Variants in SIGLEC1 observed in about 807,000 individuals in gnomAD.
The protein encoded by SIGLEC1 is sialic acid binding Ig like lectin 1.
SIGLEC1 carries 132 observed loss-of-function variants against 148.0 expected under a neutral mutation model. That is an observed-to-expected ratio of 0.89 (90% CI 0.77 to 1.03). SIGLEC1 has a LOEUF of 1.03. Among genes scored for constraint, SIGLEC1 ranks in the 50% least tolerant of loss-of-function variants. SIGLEC1 has a pLI of 0.00. For synonymous variants in SIGLEC1, 945 were observed against 969.0 expected, an observed-to-expected ratio of 0.98 and a Z score of 0.46; for missense variants, 2,253 against 2,271.4, an observed-to-expected ratio of 0.99 and a Z score of 0.16.
At chr20:3,702,616 C>T (rs967045365) in intron 6 of SIGLEC1, among the ~76,000 whole-genome samples, 1 of 151,776 alleles carries the variant, frequency 6.6e-6, no homozygotes, top group African/African-American at 2.4e-5. Context: ...TCTATCAATG[C>T]TAATTTTCCT....
chr20:3,689,671 C>G lies in SIGLEC1; in HGVS notation c.4926G>C (p.Leu1642=), dbSNP rs767307716. The change falls in exon 20 of 22, where the codon CTG becomes CTC. Residue 1642 remains leucine, a synonymous_variant. Transcript: ENST00000344754. ...ALHRLHQFQQ[L]LWVLGLLVGL... ...CCACCAGCAGTCCCAGGACCCAGAG[C>G]AGCTGCTGGAACTGATGCAGGCGGT... is the stretch of plus-strand genomic sequence containing the variant. The G allele has an allele frequency of 6.3e-7, 1 of 1,588,038 alleles. No homozygotes were observed. The highest frequency in any genetic ancestry group is 8.6e-7 in the Non-Finnish European group (1 of 1,167,614).
At position 3,690,134 on chromosome 20, in the gene SIGLEC1, G is replaced by A; in HGVS notation, c.4722C>T (p.Ala1574=). The A allele has an allele frequency of 6.2e-7, 1 of 1,606,766 alleles. No individual in the cohort carries two copies. The highest frequency in any genetic ancestry group is 8.5e-7 in the Non-Finnish European group (1 of 1,177,254). The part of the protein sequence containing the change: ...LTLHLGSRLV[A]SSQPQGAPAE... ...CAGGAGCACCCTGGGGCTGACTGGA[G>A]GCCACCAGTCGACTGCCAAGGTGGA... Residue 1574 remains alanine, a synonymous_variant, in exon 19 of 22, where the codon GCC becomes GCT. Transcript: ENST00000344754.
intron 18 of SIGLEC1, among the ~76,000 whole-genome samples, chr20:3,690,821 T>A (rs955202806): frequency 7.4e-6 from 1 of 135,702 alleles, no homozygotes; most frequent in African/African-American, 3.0e-5. Context: ...TTTCTCTTCT[T>A]TTCTTTTCTT....
In SIGLEC1 at chr20:3,710,590, G is replaced by C. The variant is rs552079124; in HGVS notation, c.-110+1880C>G. On this transcript the variant is annotated intron_variant, in intron 1 of 21. Transcript: ENST00000344754. The surrounding 1 kb of genome is among the most constrained non-coding windows in gnomAD (Gnocchi z 4.6). ...ACCTCACCGTGAAGAAAAGCAGCCT[G>C]CTGGGCACACTGGGGGTCAGATGTG... Among the ~76,000 whole-genome samples the C allele has an allele frequency of 5.9e-5, 9 of 152,338 alleles. No individual in the cohort carries two copies. Among genetic ancestry groups the C allele is most frequent in the African/African-American group, 1.9e-4 (8 of 41,578 alleles).
intron 3 of SIGLEC1, 145 bp from the exon 4 acceptor site, chr20:3,706,185 G>A (rs1048159759): frequency 7.0e-6 from 9 of 1,282,076 alleles, no homozygotes; most frequent in Non-Finnish European, 8.5e-6. Flanking sequence ...CCACTTGGGT[G>A]AATACAAGGG....
intron 11 of SIGLEC1, among the ~76,000 whole-genome samples, chr20:3,695,914 C>T (rs6076541): frequency 1.3e-5 from 2 of 151,834 alleles, no homozygotes; most frequent in Admixed American, 6.6e-5. Context: ...CAGGTTCAAA[C>T]GATTCGCCTG....
rs766499396 is a variant in SIGLEC1 at position 3,699,435 on chromosome 20, G to A, written c.1553C>T (p.Ala518Val). 1 of 1,609,978 alleles carries A rather than the reference G, an allele frequency of 6.2e-7. No homozygotes were observed. Among genetic ancestry groups the A allele is most frequent in the South Asian group, 1.1e-5 (1 of 89,888 alleles). ...ANAARLLISP[A>V]AEVVEGQAVT... ...TGCCTGTCCTTCCACCACCTCGGCT[G>A]CCGGGCTGATGAGGAGACGGGCGGC... Residue 518 changes from alanine (A) to valine (V), a missense_variant, in exon 8 of 22, where the codon GCA (alanine) becomes GTA (valine). Physicochemically the swap from Ala to Val is moderately conservative, Grantham distance 64. Coordinates refer to ENST00000344754, the MANE Select transcript of SIGLEC1 (RefSeq NM_023068.4).
In SIGLEC1 at chr20:3,689,660, A is replaced by T; in HGVS notation, c.4937T>A (p.Leu1646Gln). ...GAGCAGGAGGCCCACCAGCAGTCCC[A>T]GGACCCAGAGCAGCTGCTGGAACTG... is the stretch of plus-strand genomic sequence containing the variant. Reference protein sequence around the residue: ...LHQFQQLLWVLGLLVGLLLLL... With the variant: ...LHQFQQLLWVQGLLVGLLLLL... The change falls in exon 20 of 22, where the codon CTG becomes CAG. Residue 1646 changes from leucine (L) to glutamine (Q), a missense_variant. Physicochemically the swap from Leu to Gln is moderately radical, Grantham distance 113. Coordinates refer to ENST00000344754, the MANE Select transcript of SIGLEC1 (RefSeq NM_023068.4). 1 of 1,590,232 alleles carries T rather than the reference A, an allele frequency of 6.3e-7. No homozygotes were observed. Among genetic ancestry groups the T allele is most frequent in the Non-Finnish European group, 8.6e-7 (1 of 1,168,770 alleles).
Position 3,710,873 on chromosome 20 carries a change from A to G in SIGLEC1, c.-110+1597T>C, listed in dbSNP as rs1992953. The stretch of plus-strand genomic sequence containing the variant: ...CCCCAAAGGGGTCAGCCCCACCGGA[A>G]TCCAGCCTATTGGCTCAGCCTGTCA... On this transcript the variant is annotated intron_variant, in intron 1 of 21. Coordinates refer to ENST00000344754, the MANE Select transcript of SIGLEC1 (RefSeq NM_023068.4). The surrounding 1 kb of genome is among the most constrained non-coding windows in gnomAD (Gnocchi z 4.6). 0.81 allele frequency among the ~76,000 whole-genome samples: 123,681 copies of G among 152,248 alleles called. 50,839 individuals are homozygous for G. The highest frequency in any genetic ancestry group is 0.95 in the African/African-American group (39,295 of 41,556).
At position 3,687,042 on chromosome 20, in the gene SIGLEC1, A is replaced by T. The variant is rs2088706389; in HGVS notation, c.*1518T>A. 1 of 152,206 alleles carries T rather than the reference A, an allele frequency of 6.6e-6. No individual in the cohort carries two copies. Among genetic ancestry groups the T allele is most frequent in the Admixed American group, 6.5e-5 (1 of 15,280 alleles). The allele number at this position is 152,206 out of a possible 1,614,324, so 9.4% of individuals were successfully genotyped here. Reference sequence around the variant, plus strand: ...CCCAGCAAGAGTCTGGCAATGGAGCATGAAAATGAATGAGCCTGGAATGAG... The same window carrying T: ...CCCAGCAAGAGTCTGGCAATGGAGCTTGAAAATGAATGAGCCTGGAATGAG... On this transcript the variant is annotated 3_prime_UTR_variant, in exon 22 of 22. Transcript: ENST00000344754.
In SIGLEC1 at chr20:3,705,824, T is replaced by C. The variant is rs1310952577; in HGVS notation, c.626A>G (p.Gln209Arg). The C allele has an allele frequency of 6.2e-7, 1 of 1,614,076 alleles. No individual in the cohort carries two copies. Among genetic ancestry groups the C allele is most frequent in the East Asian group, 2.2e-5 (1 of 44,880 alleles). The part of the protein sequence containing the change: ...LETLHMAMSW[Q>R]DHGRILRCQL... ...GCAGCGCAGGATCCGGCCGTGGTCC[T>C]GCCAGGACATGGCCATGTGGAGGGT... The change falls in exon 4 of 22, where the codon CAG (glutamine) becomes CGG (arginine). Residue 209 changes from glutamine to arginine, a missense_variant. Gln to Arg is a conservative substitution (Grantham distance 43, BLOSUM62 1). Transcript: ENST00000344754.
chr20:3,691,771 C>T (rs1384852983), intron 17 of SIGLEC1, 132 bp downstream of exon 17: 2 of 1,340,228 alleles, frequency 1.5e-6, no homozygotes, highest in Non-Finnish European at 2.0e-6. Context: ...TGTGCCCCCT[C>T]CACCAGATTA....
At chr20:3,699,050 C>A in intron 8 of SIGLEC1, 152 bp downstream of exon 8, 1 of 847,044 alleles carries the variant, frequency 1.2e-6, no homozygotes, top group South Asian at 1.6e-5. Context: ...TAAACTTCAG[C>A]CCCACATGGA....
At chr20:3,696,257 A>G (rs1232500391) in intron 11 of SIGLEC1, among the ~76,000 whole-genome samples, 1 of 152,210 alleles carries the variant, frequency 6.6e-6, no homozygotes, top group Non-Finnish European at 1.5e-5. Flanking sequence ...ATACATAAAC[A>G]TATATGCATA....
intron 18 of SIGLEC1, among the ~76,000 whole-genome samples, chr20:3,690,866 T>C (rs897575285): frequency 1.3e-5 from 2 of 148,484 alleles, no homozygotes; most frequent in Non-Finnish European, 3.0e-5. Flanking sequence ...AGTCTCAGTC[T>C]GTCACCCAGG....
At chr20:3,707,761 C>T (rs1481596537) in intron 1 of SIGLEC1, among the ~76,000 whole-genome samples, 5 of 152,240 alleles carry the variant, frequency 3.3e-5, no homozygotes, top group Admixed American at 3.3e-4. Context: ...TTCCTGCCCC[C>T]AGCTCTGTCC....
intron 4 of SIGLEC1, 112 bp from the exon 5 acceptor site, chr20:3,704,203 A>G (rs1253560256): frequency 3.0e-5 from 30 of 1,014,794 alleles, no homozygotes; most frequent in Non-Finnish European, 1.5e-6. Flanking sequence ...TGCCCAGATA[A>G]AACAGCAGTC....
At chr20:3,688,645 C>T (rs2088723452) in intron 21 of SIGLEC1, 26 bp from the exon 22 acceptor site, 2 of 1,562,274 alleles carry the variant, frequency 1.3e-6, no homozygotes, top group Admixed American at 1.9e-5. Flanking sequence ...ACCCTGGTCA[C>T]AGGAGGCCTC....
At chr20:3,696,487 A>G (rs2088823316) in intron 11 of SIGLEC1, 99 bp downstream of exon 11, 1 of 1,243,628 alleles carries the variant, frequency 8.0e-7, no homozygotes, top group South Asian at 1.7e-5. Flanking sequence ...TGAAAAAGAC[A>G]TATTTCTGCA....
Sources: gnomAD v4.1 joint callset for allele counts (sites outside exome capture counted in the v4.1 genomes callset) on GRCh38, gnomAD v4.1.1 for gene constraint, Gnocchi (gnomAD v3.1) non-coding constraint, MANE v1.5 for transcripts, NCBI Gene and HGNC (gene_info 2026-07-23, HGNC 2026-07-21) for gene names.